Variants in KCTD18 observed in about 807,000 individuals in gnomAD.
KCTD18 encodes potassium channel tetramerization domain containing 18.
Under a neutral mutation model 30.4 loss-of-function variants are expected in KCTD18, and 22 were observed. That is an observed-to-expected ratio of 0.72 (90% CI 0.52 to 1.03). The LOEUF (loss-of-function observed/expected upper bound fraction) is 1.03, where lower values mean the gene tolerates loss of function less well. KCTD18 is among the 50% of genes least tolerant of loss of function. The probability of loss-of-function intolerance (pLI) is 0.00; values close to 1 mark genes in which losing one functional copy is unlikely to be tolerated. For synonymous variants in KCTD18, 186 were observed against 209.0 expected (o/e 0.89, Z 0.95); for missense variants, 529 against 547.6 (o/e 0.97, Z 0.34).
chr2:200,499,222 G>T, intron 3 of KCTD18, 138 bp from the exon 4 acceptor site: 1 of 614,254 alleles, frequency 1.6e-6, no homozygotes, highest in Non-Finnish European at 2.6e-6. Flanking sequence ...TTTCAGCTTA[G>T]TCTTTACATC....
chr2:200,493,235 C>G lies in KCTD18; in HGVS notation c.701G>C (p.Cys234Ser). 1 of 1,613,088 alleles carries G rather than the reference C, an allele frequency of 6.2e-7. No homozygotes were observed. Among genetic ancestry groups the G allele is most frequent in the Non-Finnish European group, 8.5e-7 (1 of 1,179,342 alleles). ...TAAAGGCCGTTCTTCTAGAGTCCAA[C>G]ACTCTATCAGCTCATGAGGCACCCG... is the stretch of plus-strand genomic sequence containing the variant. ...YWRVPHELIECWTLEERPLLG... is the reference protein window; with the variant it reads ...YWRVPHELIESWTLEERPLLG... The change falls in exon 6 of 7, where the codon TGT (cysteine) becomes TCT (serine). Residue 234 changes from cysteine (C) to serine (S), a missense_variant. Physicochemically the swap from Cys to Ser is moderately radical, Grantham distance 112. Transcript: ENST00000359878.
chr2:200,502,232 A>G (rs1424725323), intron 3 of KCTD18, among the ~76,000 whole-genome samples: 4 of 152,166 alleles, frequency 2.6e-5, no homozygotes, highest in Admixed American at 2.0e-4. Flanking sequence ...GTACATGTAT[A>G]CATATGTAAC....
At position 200,497,863 on chromosome 2, in the gene KCTD18, A is replaced by G; in HGVS notation, c.567-16T>C. 1 of 1,546,160 alleles carries G rather than the reference A, an allele frequency of 6.5e-7. No individual in the cohort carries two copies. Among genetic ancestry groups the G allele is most frequent in the South Asian group, 1.1e-5 (1 of 89,608 alleles). ...TCCCGCCTCTCTAGAAATATTGCAA[A>G]GAGTAATGAAAATATACTACCTAGG... On this transcript the variant is annotated splice_polypyrimidine_tract_variant and intron_variant, in intron 4 of 6. Coordinates refer to ENST00000359878, the MANE Select transcript of KCTD18 (RefSeq NM_152387.4).
rs569132228 is a variant in KCTD18, at chr2:200,506,176, G to A, written c.160+681C>T. ...TCCTCTAACACAGAACCAAGAGTGG[G>A]TCTGGGGCTCATACACAGGGCAAAA... On this transcript the variant is annotated intron_variant, in intron 2 of 6. Coordinates refer to ENST00000359878, the MANE Select transcript of KCTD18 (RefSeq NM_152387.4). Among the ~76,000 whole-genome samples, 3 of 152,236 alleles carry A rather than the reference G, an allele frequency of 2.0e-5. No individual in the cohort carries two copies. The South Asian group carries it at 6.2e-4, about 32-fold the overall frequency.
chr2:200,505,317 G>A (rs895631966), intron 2 of KCTD18, among the ~76,000 whole-genome samples: 1 of 152,164 alleles, frequency 6.6e-6, no homozygotes, highest in African/African-American at 2.4e-5. Flanking sequence ...TATACACCAT[G>A]CTAGGCCAAG....
intron 1 of KCTD18, among the ~76,000 whole-genome samples, chr2:200,508,129 G>C (rs1186207213): frequency 6.6e-6 from 1 of 152,166 alleles, no homozygotes; most frequent in Non-Finnish European, 1.5e-5. Flanking sequence ...TTGAGATGGA[G>C]TCTCGCTCTG....
chr2:200,489,133 G>T lies in KCTD18; in HGVS notation c.*967C>A. 6.6e-6 allele frequency: 1 copy of T among 152,486 alleles called. No homozygotes were observed. Among genetic ancestry groups the T allele is most frequent in the East Asian group, 1.9e-4 (1 of 5,196 alleles). 9.4% of individuals were successfully genotyped at this position (152,486 alleles called of 1,614,324 possible). A position where few individuals can be genotyped will look rare whatever the true frequency, so the allele number is the denominator to read the frequency against. On this transcript the variant is annotated 3_prime_UTR_variant, in exon 7 of 7. Transcript: ENST00000359878. ...ACTCTCACTGAAAGTAGAAATATGT[G>T]ATCCAATTACAAAACATAACATTTA...
chr2:200,491,586 A>G (rs12233018), intron 6 of KCTD18, among the ~76,000 whole-genome samples: 19,796 of 152,238 alleles, frequency 0.13, 1,410 homozygotes, highest in East Asian at 0.35. Flanking sequence ...TTTGGAACCC[A>G]TTTTGGGGAC....
chr2:200,490,363 G>A lies in KCTD18; in HGVS notation c.1018C>T (p.Pro340Ser), dbSNP rs1262439161. Residue 340 changes from proline (P) to serine (S), a missense_variant, in exon 7 of 7, where the codon CCT becomes TCT. Coordinates refer to ENST00000359878, the MANE Select transcript of KCTD18 (RefSeq NM_152387.4). ...RATALVGTGA[P>S]GHPQASPGAA... The stretch of plus-strand genomic sequence containing the variant: ...CCAGGGGAAGCCTGAGGATGCCCAG[G>A]TGCCCCCGTGCCCACCAGGGCCGTG... 4.3e-6 allele frequency: 7 copies of A among 1,614,090 alleles called. No individual in the cohort carries two copies. The South Asian group carries it at 4.4e-5, about 10-fold the overall frequency.
At chr2:200,501,985 T>C (rs1273297243) in intron 3 of KCTD18, among the ~76,000 whole-genome samples, 1 of 151,930 alleles carries the variant, frequency 6.6e-6, no homozygotes, top group Non-Finnish European at 1.5e-5. Flanking sequence ...ATGTCCTTTG[T>C]AGGGACATGG....
intron 4 of KCTD18, among the ~76,000 whole-genome samples, chr2:200,498,594 C>G (rs1050598031): frequency 1.3e-5 from 2 of 152,090 alleles, no homozygotes; most frequent in Admixed American, 1.3e-4. Context: ...TTTCTTTTTT[C>G]TTTCTCTTCT....
In KCTD18 at chr2:200,506,951, A is replaced by C. The variant is rs2030233722; in HGVS notation, c.66T>G (p.Ile22Met). ...DVLRLNVGGC[I>M]YTARRESLCR... is the part of the protein sequence containing the mutation. ...ACAAGGACTCCCGCCGGGCTGTGTA[A>C]ATACAGCCACCCACGTTCAGTCGGA... The change falls in exon 2 of 7, where the codon ATT becomes ATG. Residue 22 changes from isoleucine (I) to methionine (M), a missense_variant. Ile to Met is a conservative substitution (Grantham distance 10, BLOSUM62 1). Coordinates refer to ENST00000359878, the MANE Select transcript of KCTD18 (RefSeq NM_152387.4). 1 of 1,613,760 alleles carries C rather than the reference A, an allele frequency of 6.2e-7. No individual in the cohort carries two copies. Among genetic ancestry groups the C allele is most frequent in the Middle Eastern group, 1.6e-4 (1 of 6,062 alleles).
At position 200,490,593 on chromosome 2, in the gene KCTD18, G is replaced by A. The variant is rs115629407; in HGVS notation, c.788C>T (p.Ala263Val). Residue 263 changes from alanine to valine, a missense_variant, in exon 7 of 7, where the codon GCG becomes GTG. Ala to Val is a moderately conservative substitution (Grantham distance 64). Coordinates refer to ENST00000359878, the MANE Select transcript of KCTD18 (RefSeq NM_152387.4). ...AGTCTTATAGTTCACACTTTCGTCC[G>A]CTTCATTGAACGTTATCAGTCGCCT... ...RKRRLITFNE[A>V]DESVNYKTGP... is the part of the protein sequence containing the mutation. 498 of 1,594,090 alleles carry A rather than the reference G, an allele frequency of 3.1e-4. 2 individuals are homozygous for A. The African/African-American group carries it at 4.8e-3, about 15-fold the overall frequency.
Position 200,489,822 on chromosome 2 carries a change from T to G in KCTD18, c.*278A>C. 1 of 409,596 alleles carries G rather than the reference T, an allele frequency of 2.4e-6. No homozygotes were observed. Among genetic ancestry groups the G allele is most frequent in the East Asian group, 3.9e-5 (1 of 25,620 alleles). 25.4% of individuals were successfully genotyped at this position (409,596 alleles called of 1,614,324 possible). A position where few individuals can be genotyped will look rare whatever the true frequency, so the allele number is the denominator to read the frequency against. On this transcript the variant is annotated 3_prime_UTR_variant, in exon 7 of 7. Transcript: ENST00000359878. ...CTAGAGATTATTTGTTGTACTGTCT[T>G]GTTGCCTTAATACGAATTAATCATT...
chr2:200,509,280 G>A (rs552375297), intron 1 of KCTD18, among the ~76,000 whole-genome samples: 1 of 152,000 alleles, frequency 6.6e-6, no homozygotes, highest in East Asian at 1.9e-4. Context: ...AATCCAGAAC[G>A]GCAGGACGAA....
intron 1 of KCTD18, among the ~76,000 whole-genome samples, chr2:200,507,826 CTTCTT>C (rs1197697298): frequency 1.3e-5 from 2 of 152,040 alleles, no homozygotes; most frequent in South Asian, 2.1e-4. Context: ...GATTATAATT[CTTCTT>C]TTAATTTTTT....
chr2:200,498,846 C>T (rs1043043313), intron 4 of KCTD18, 45 bp downstream of exon 4: 1 of 1,547,536 alleles, frequency 6.5e-7, no homozygotes, highest in Non-Finnish European at 8.9e-7. Flanking sequence ...TTAAAAGAGA[C>T]CAAGACTTTA....
chr2:200,497,927 A>C, intron 4 of KCTD18, 80 bp from the exon 5 acceptor site: 1 of 962,460 alleles, frequency 1.0e-6, no homozygotes, highest in Non-Finnish European at 1.6e-6. Context: ...ATATACATTT[A>C]ATAAGAGCTT....
At position 200,510,054 on chromosome 2, in the gene KCTD18, G is replaced by C. The variant is rs945095721; in HGVS notation, c.-502C>G. On this transcript the variant is annotated 5_prime_UTR_variant, in exon 1 of 7. Transcript: ENST00000359878. The stretch of plus-strand genomic sequence containing the variant: ...TCGGCGCGGCCGCCGGACGCCGCGG[G>C]GCGGACGCGGAAGTGAACGCCTTCT... 4 of 152,124 alleles carry C rather than the reference G, an allele frequency of 2.6e-5. No individual in the cohort carries two copies. Among genetic ancestry groups the C allele is most frequent in the Non-Finnish European group, 2.9e-5 (2 of 68,012 alleles). The allele number at this position is 152,124 out of a possible 1,614,324, so 9.4% of individuals were successfully genotyped here. A position where few individuals can be genotyped will look rare whatever the true frequency, so the allele number is the denominator to read the frequency against.
Sources: gnomAD v4.1 joint callset for allele counts (sites outside exome capture counted in the v4.1 genomes callset) on GRCh38, gnomAD v4.1.1 for gene constraint, MANE v1.5 for transcripts, NCBI Gene and HGNC (gene_info 2026-07-23, HGNC 2026-07-21) for gene names.